DENND4A: variants seen among roughly 807,000 people sequenced by gnomAD.
DENND4A encodes DENN domain containing 4A.
A neutral mutation model predicts 199.3 loss-of-function variants in DENND4A; 70 were observed. The ratio of observed to expected loss-of-function variants is 0.35; its 90% CI spans 0.29 to 0.43. The LOEUF (loss-of-function observed/expected upper bound fraction) is 0.43, where lower values mean the gene tolerates loss of function less well. Ranked by LOEUF, DENND4A falls within the 20% of genes least tolerant of loss-of-function variation. The pLI, the probability that DENND4A is intolerant of heterozygous loss-of-function variation, is 1.00. For missense variants in DENND4A, 1,723 were observed against 2,255.8 expected (o/e 0.76, Z 4.78); for synonymous variants, 686 against 766.9 (o/e 0.89, Z 1.74).
chr15:65,707,387 A>C (rs1249685668), intron 14 of DENND4A, among the ~76,000 whole-genome samples: 1 of 152,208 alleles, frequency 6.6e-6, no homozygotes, highest in Non-Finnish European at 1.5e-5. Flanking sequence ...AAGTAGTTAA[A>C]CCTTTAAGAT....
At chr15:65,691,958 CTTTTTTTTT>C (rs767840868) in intron 22 of DENND4A, among the ~76,000 whole-genome samples, 1 of 134,088 alleles carries the variant, frequency 7.5e-6, no homozygotes, top group Non-Finnish European at 1.6e-5. Context: ...CTGAGTCTTC[CTTTTTTTTT>C]TTTTTTTTTT....
At chr15:65,687,559 C>T (rs2076833237) in intron 23 of DENND4A, among the ~76,000 whole-genome samples, 1 of 151,976 alleles carries the variant, frequency 6.6e-6, no homozygotes, top group Non-Finnish European at 1.5e-5. Context: ...TAGAGCAATC[C>T]CATTGCTCAT....
chr15:65,684,409 T>C (rs1480130663), intron 23 of DENND4A, among the ~76,000 whole-genome samples: 1 of 152,238 alleles, frequency 6.6e-6, no homozygotes, highest in Non-Finnish European at 1.5e-5. Flanking sequence ...GCCATTCCTC[T>C]AGTGAGTGTG....
chr15:65,785,997 T>A (rs948987455), intron 1 of DENND4A, among the ~76,000 whole-genome samples: 1 of 152,210 alleles, frequency 6.6e-6, no homozygotes, highest in African/African-American at 2.4e-5. Context: ...GGCAAGGATA[T>A]GAAAAAACAG....
chr15:65,702,023 G>A (rs1243158108), intron 17 of DENND4A, 133 bp from the exon 18 acceptor site: 4 of 1,296,732 alleles, frequency 3.1e-6, no homozygotes. Flanking sequence ...AACATTTTGG[G>A]AGGGCAAGGC....
chr15:65,744,201 G>A (rs978229452), intron 4 of DENND4A, among the ~76,000 whole-genome samples: 1 of 152,154 alleles, frequency 6.6e-6, no homozygotes, highest in Non-Finnish European at 1.5e-5. Flanking sequence ...ATGAAGTACA[G>A]TATAAGAGTC....
chr15:65,741,231 T>TA (rs1010102046), intron 5 of DENND4A, among the ~76,000 whole-genome samples: 28 of 152,278 alleles, frequency 1.8e-4, no homozygotes, highest in Non-Finnish European at 2.4e-4. Flanking sequence ...AAGCAATTTT[T>TA]AAAAGGCTGA....
At chr15:65,786,496 A>G (rs2077570207) in intron 1 of DENND4A, among the ~76,000 whole-genome samples, 1 of 152,122 alleles carries the variant, frequency 6.6e-6, no homozygotes, top group South Asian at 2.1e-4. Flanking sequence ...TTGGGAGGCC[A>G]AGGCGGTAGG....
chr15:65,775,936 T>C (rs1052743726), intron 1 of DENND4A, among the ~76,000 whole-genome samples: 1 of 152,200 alleles, frequency 6.6e-6, no homozygotes, highest in African/African-American at 2.4e-5. Context: ...CTTTGCAAAT[T>C]CAGTTCCTCC....
chr15:65,719,852 G>A (rs777049508), intron 12 of DENND4A, among the ~76,000 whole-genome samples: 8 of 151,914 alleles, frequency 5.3e-5, no homozygotes, highest in Non-Finnish European at 7.4e-5. Flanking sequence ...CCGTGATCGC[G>A]CCACTGCACT....
In DENND4A at chr15:65,701,840, C is replaced by G. The variant is rs1471575190; in HGVS notation, c.2481G>C (p.Val827=). The G allele has an allele frequency of 3.1e-6, 5 of 1,613,880 alleles. No homozygotes were observed. The highest frequency in any genetic ancestry group is 4.2e-6 in the Non-Finnish European group (5 of 1,179,808). Residue 827 remains valine (V), a synonymous_variant, in exon 18 of 33, where the codon GTG becomes GTC. Transcript: ENST00000443035. The part of the protein sequence containing the change: ...MQLCGQYDQP[V]LAVRVLFEMQ... ...TTTCAAAAAGCACTCGAACTGCAAG[C>G]ACTGGCTGATCATATTGTCCACAGA...
intron 22 of DENND4A, among the ~76,000 whole-genome samples, chr15:65,695,914 A>G (rs1316732065): frequency 1.3e-5 from 2 of 152,048 alleles, no homozygotes; most frequent in Non-Finnish European, 2.9e-5. Flanking sequence ...AATATTATAT[A>G]AAATAATATA....
intron 1 of DENND4A, among the ~76,000 whole-genome samples, chr15:65,775,549 G>A (rs970903564): frequency 7.1e-6 from 1 of 141,008 alleles, no homozygotes; most frequent in Non-Finnish European, 1.5e-5. Context: ...GCTAAGACAG[G>A]AGAATCACTC....
intron 14 of DENND4A, among the ~76,000 whole-genome samples, chr15:65,709,857 A>G (rs2075193386): frequency 6.6e-6 from 1 of 151,404 alleles, no homozygotes; most frequent in Non-Finnish European, 1.5e-5. Context: ...TAGTCATTAA[A>G]ATCTTTAAGT....
At chr15:65,766,323 G>A (rs983118767) in intron 1 of DENND4A, 2 of 151,546 alleles carry the variant, frequency 1.3e-5, no homozygotes, top group African/African-American at 4.9e-5. Context: ...CGTGTTGAAT[G>A]CCTTGTTGGT....
intron 22 of DENND4A, among the ~76,000 whole-genome samples, chr15:65,693,515 A>G (rs57039052): frequency 0.011 from 1,619 of 152,132 alleles, 30 homozygotes; most frequent in African/African-American, 0.037. Flanking sequence ...CCCAGCTGAT[A>G]TACTAGCCTT....
chr15:65,664,524 A>C, intron 31 of DENND4A, 36 bp downstream of exon 31: 2 of 1,591,550 alleles, frequency 1.3e-6, no homozygotes, highest in Non-Finnish European at 1.7e-6. Context: ...GAATCTGCCT[A>C]GGAGAACAAT....
At chr15:65,724,461 G>C (rs1487706947) in intron 11 of DENND4A, among the ~76,000 whole-genome samples, 1 of 150,604 alleles carries the variant, frequency 6.6e-6, no homozygotes, top group Non-Finnish European at 1.5e-5. Context: ...GAAAAGAAAA[G>C]TAAAACACTC....
At chr15:65,786,022 A>T (rs2141002364) in intron 1 of DENND4A, among the ~76,000 whole-genome samples, 1 of 152,350 alleles carries the variant, frequency 6.6e-6, no homozygotes, top group South Asian at 2.1e-4. Flanking sequence ...TGTTTGCAAT[A>T]TCCTATAAAT....
Sources: gnomAD v4.1 joint callset for allele counts (sites outside exome capture counted in the v4.1 genomes callset) on GRCh38, gnomAD v4.1.1 for gene constraint, MANE v1.5 for transcripts, NCBI Gene and HGNC (gene_info 2026-07-23, HGNC 2026-07-21) for gene names.